JAKMIP1: variants seen among roughly 807,000 people sequenced by gnomAD.
The protein encoded by JAKMIP1 is janus kinase and microtubule interacting protein 1.
In JAKMIP1, 33 loss-of-function variants were observed where a neutral mutation model predicts 113.0. The observed-to-expected ratio is 0.29, with a 90% CI of 0.22 to 0.39. The LOEUF is 0.39. JAKMIP1 is among the 10% of genes least tolerant of loss of function. The probability of loss-of-function intolerance (pLI) is 1.00; values close to 1 mark genes in which losing one functional copy is unlikely to be tolerated. For synonymous variants in JAKMIP1, 480 were observed against 459.9 expected (o/e 1.04, Z -0.56); for missense variants, 813 against 1,080.5 (o/e 0.75, Z 3.47).
Position 6,155,866 on chromosome 4 carries a change from C to G in JAKMIP1, c.-147-42869G>C, listed in dbSNP as rs967857865. The stretch of plus-strand genomic sequence containing the variant: ...CCTGCCCTAGACCTCATGAATGGCA[C>G]TCTCTAGAGGTGGGGCCTGGCAATC... On this transcript the variant is annotated intron_variant, in intron 1 of 20. Coordinates refer to ENST00000409021, the MANE Select transcript of JAKMIP1 (RefSeq NM_001099433.2). This position sits in a 1 kb window ranked among gnomAD's most constrained non-coding sequence, Gnocchi z 6.1. 5.9e-5 allele frequency among the ~76,000 whole-genome samples: 9 copies of G among 152,150 alleles called. No homozygotes were observed. Among genetic ancestry groups the G allele is most frequent in the Admixed American group, 4.6e-4 (7 of 15,280 alleles).
chr4:6,050,506 C>T lies in JAKMIP1; in HGVS notation c.1908+72G>A. 1 of 1,044,132 alleles carries T rather than the reference C, an allele frequency of 9.6e-7. No homozygotes were observed. The highest frequency in any genetic ancestry group is 1.4e-6 in the Non-Finnish European group (1 of 698,124). The allele number at this position is 1,044,132 out of a possible 1,614,324, so 64.7% of individuals were successfully genotyped here. Reference sequence around the variant, plus strand: ...AATCAATTCTATCCCAGCACTCCCCCTTTGCAGCTGAGCCGGGCACTGAGC... The same window carrying T: ...AATCAATTCTATCCCAGCACTCCCCTTTTGCAGCTGAGCCGGGCACTGAGC... On this transcript the variant is annotated intron_variant, in intron 14 of 20. Transcript: ENST00000409021. The surrounding 1 kb of genome is among the most constrained non-coding windows in gnomAD (Gnocchi z 7.4).
At chr4:6,175,684 C>T (rs1280538721) in intron 1 of JAKMIP1, among the ~76,000 whole-genome samples, 1 of 152,210 alleles carries the variant, frequency 6.6e-6, no homozygotes, top group African/African-American at 2.4e-5. Context: ...ATGGATGCTG[C>T]CTTAGAACAC....
rs74879576 is a variant in JAKMIP1, at chr4:6,156,384, A to G, written c.-147-43387T>C. Among the ~76,000 whole-genome samples, 457 of 152,364 alleles carry G rather than the reference A, an allele frequency of 3.0e-3. 4 individuals are homozygous for G. Among genetic ancestry groups the G allele is most frequent in the African/African-American group, 0.011 (441 of 41,588 alleles). The stretch of plus-strand genomic sequence containing the variant: ...TTTAGTGGTACAAAAATAATGATGC[A>G]TGTCCCAATTGACAGCAGCTTAGAT... On this transcript the variant is annotated intron_variant, in intron 1 of 20. Transcript: ENST00000409021. The surrounding 1 kb of genome is among the most constrained non-coding windows in gnomAD (Gnocchi z 5.0).
In JAKMIP1 at chr4:6,102,796, C is replaced by T. The variant is rs191863994; in HGVS notation, c.624+2677G>A. Reference sequence around the variant, plus strand: ...TCGCCCAGGCTGGAGTGCAGTGGCGCGATCTCAGCTCACTGCAAGCTCCAC... The same window carrying T: ...TCGCCCAGGCTGGAGTGCAGTGGCGTGATCTCAGCTCACTGCAAGCTCCAC... On this transcript the variant is annotated intron_variant, in intron 3 of 20. Coordinates refer to ENST00000409021, the MANE Select transcript of JAKMIP1 (RefSeq NM_001099433.2). Among the ~76,000 whole-genome samples the T allele has an allele frequency of 7.3e-3, 893 of 122,118 alleles. 13 individuals carry two copies. Among genetic ancestry groups the T allele is most frequent in the African/African-American group, 0.027 (844 of 31,712 alleles). 80.1% of individuals were successfully genotyped at this position (122,118 alleles called of 152,430 possible).
At position 6,106,155 on chromosome 4, in the gene JAKMIP1, A is replaced by C; in HGVS notation, c.130-188T>G. ...GACCCTCCTGCCAGCCCCACTTAGA[A>C]TCTCTCCTGCTAGTTCCCTGAGACT... On this transcript the variant is annotated intron_variant, in intron 2 of 20. Transcript: ENST00000409021. The surrounding 1 kb of genome is among the most constrained non-coding windows in gnomAD (Gnocchi z 5.9). 6.6e-6 allele frequency among the ~76,000 whole-genome samples: 1 copy of C among 152,032 alleles called. No homozygotes were observed. Among genetic ancestry groups the C allele is most frequent in the Non-Finnish European group, 1.5e-5 (1 of 67,988 alleles).
At chr4:6,165,591 G>A (rs6853001) in intron 1 of JAKMIP1, among the ~76,000 whole-genome samples, 2,635 of 152,274 alleles carry the variant, frequency 0.017, 79 homozygotes, top group African/African-American at 0.058. Flanking sequence ...ATGAGCCATC[G>A]CGCCCAGCCC....
chr4:6,124,332 G>C (rs1717119125), intron 1 of JAKMIP1, among the ~76,000 whole-genome samples: 1 of 152,208 alleles, frequency 6.6e-6, no homozygotes, highest in African/African-American at 2.4e-5. Flanking sequence ...CGGCAGAGCT[G>C]CCACCTGCAC....
At chr4:6,147,734 A>T (rs1387000072) in intron 1 of JAKMIP1, among the ~76,000 whole-genome samples, 1 of 152,206 alleles carries the variant, frequency 6.6e-6, no homozygotes, top group Admixed American at 6.5e-5. Context: ...CTCTGCCCAG[A>T]GGGCCCGGCC....
intron 1 of JAKMIP1, among the ~76,000 whole-genome samples, chr4:6,152,740 G>A (rs1025239458): frequency 4.7e-5 from 7 of 150,082 alleles, no homozygotes; most frequent in African/African-American, 1.5e-4. Flanking sequence ...TCAGGAGTTC[G>A]AGACCAGCCT....
At chr4:6,103,128 T>C (rs1006962367) in intron 3 of JAKMIP1, among the ~76,000 whole-genome samples, 1 of 152,230 alleles carries the variant, frequency 6.6e-6, no homozygotes, top group Admixed American at 6.5e-5. Flanking sequence ...TTCATCATTA[T>C]GTATGTTACT....
chr4:6,098,578 G>GAAAGAAAGAGAAAGAAAA (rs1712292004), intron 3 of JAKMIP1, among the ~76,000 whole-genome samples: 1 of 128,258 alleles, frequency 7.8e-6, no homozygotes. Context: ...AAGAAAGAAA[G>GAAAGAAAGAGAAAGAAAA]AAAGAAGGAA....
intron 1 of JAKMIP1, among the ~76,000 whole-genome samples, chr4:6,190,394 G>C (rs1017289645): frequency 6.6e-6 from 1 of 151,952 alleles, no homozygotes; most frequent in African/African-American, 2.4e-5. Context: ...TATTAACAAA[G>C]TCCCCATATT....
rs553273693 is a variant in JAKMIP1, at chr4:6,116,122, A to C, written c.-147-3125T>G. ...TGGAGTGCAGGAGGGGAAGATGTCC[A>C]AAGTTCTGGGCCAAGTCAATCTCGG... is the stretch of plus-strand genomic sequence containing the variant. On this transcript the variant is annotated intron_variant, in intron 1 of 20. Coordinates refer to ENST00000409021, the MANE Select transcript of JAKMIP1 (RefSeq NM_001099433.2). This position sits in a 1 kb window ranked among gnomAD's most constrained non-coding sequence, Gnocchi z 5.1. 2.3e-4 allele frequency among the ~76,000 whole-genome samples: 35 copies of C among 152,222 alleles called. No homozygotes were observed. The highest frequency in any genetic ancestry group is 7.9e-4 in the African/African-American group (33 of 41,532).
At chr4:6,164,638 T>A (rs142728946) in intron 1 of JAKMIP1, among the ~76,000 whole-genome samples, 51 of 152,368 alleles carry the variant, frequency 3.3e-4, no homozygotes, top group Non-Finnish European at 6.5e-4. Context: ...AGATTCATCA[T>A]TCTAGATGCA....
Position 6,188,920 on chromosome 4 carries a change from A to C in JAKMIP1, c.-148+11333T>G, listed in dbSNP as rs998336411. Among the ~76,000 whole-genome samples, 3 of 152,212 alleles carry C rather than the reference A, an allele frequency of 2.0e-5. No homozygotes were observed. Among genetic ancestry groups the C allele is most frequent in the South Asian group, 2.1e-4 (1 of 4,826 alleles). Reference sequence around the variant, plus strand: ...GATTAGGCACAATGTGGGGGCATCCAGGCCCTTTTTCAAAATAAGATATCT... The same window carrying C: ...GATTAGGCACAATGTGGGGGCATCCCGGCCCTTTTTCAAAATAAGATATCT... On this transcript the variant is annotated intron_variant, in intron 1 of 20. Transcript: ENST00000409021. This position sits in a 1 kb window ranked among gnomAD's most constrained non-coding sequence, Gnocchi z 5.8.
chr4:6,173,527 A>G (rs1000575933), intron 1 of JAKMIP1, among the ~76,000 whole-genome samples: 2 of 152,218 alleles, frequency 1.3e-5, no homozygotes, highest in Non-Finnish European at 2.9e-5. Context: ...GCCACTAGGA[A>G]CACCTTTTTA....
intron 18 of JAKMIP1, among the ~76,000 whole-genome samples, chr4:6,039,546 C>G (rs367795478): frequency 8.5e-5 from 13 of 152,270 alleles, no homozygotes; most frequent in African/African-American, 2.6e-4. Flanking sequence ...TCAAAAGCAC[C>G]AAGCCTGGAC....
chr4:6,090,729 G>A (rs1721940181), intron 3 of JAKMIP1, among the ~76,000 whole-genome samples: 1 of 151,810 alleles, frequency 6.6e-6, no homozygotes. Flanking sequence ...ACGCCATGTT[G>A]ACCGTGACTG....
At chr4:6,047,644 T>G (rs1715163300) in intron 16 of JAKMIP1, among the ~76,000 whole-genome samples, 1 of 152,212 alleles carries the variant, frequency 6.6e-6, no homozygotes, top group Non-Finnish European at 1.5e-5. Flanking sequence ...TTACCAACAT[T>G]TAGTATCCTT....
Sources: gnomAD v4.1 joint callset for allele counts (sites outside exome capture counted in the v4.1 genomes callset) on GRCh38, gnomAD v4.1.1 for gene constraint, Gnocchi (gnomAD v3.1) non-coding constraint, MANE v1.5 for transcripts, NCBI Gene and HGNC (gene_info 2026-07-23, HGNC 2026-07-21) for gene names.